EPHA3: variants seen among roughly 807,000 people sequenced by gnomAD.
EPHA3 encodes the protein EPH receptor A3, also known as ephrin type-A receptor 3.
Under a neutral mutation model 107.1 loss-of-function variants are expected in EPHA3, and 42 were observed. That is an observed-to-expected ratio of 0.39 (90% CI 0.31 to 0.51). EPHA3 has a LOEUF of 0.51. Ranked by LOEUF, EPHA3 falls within the 20% of genes least tolerant of loss-of-function variation. The pLI is 0.78. For missense variants in EPHA3, 1,183 were observed against 1,211.2 expected, an observed-to-expected ratio of 0.98 and a Z score of 0.35; for synonymous variants, 461 against 424.8, an observed-to-expected ratio of 1.09 and a Z score of -1.05.
At chr3:89,390,600 CAAA>C (rs34753229) in intron 5 of EPHA3, among the ~76,000 whole-genome samples, 12 of 114,160 alleles carry the variant, frequency 1.1e-4, no homozygotes, top group Admixed American at 1.9e-4. Flanking sequence ...ACTCCGTTTC[CAAA>C]AAAAAAAAAA....
At chr3:89,130,375 T>C (rs1232929323) in intron 2 of EPHA3, among the ~76,000 whole-genome samples, 2 of 152,142 alleles carry the variant, frequency 1.3e-5, no homozygotes, top group Admixed American at 6.6e-5. Flanking sequence ...AGCTCTAAAT[T>C]CCAAATCTGT....
At chr3:89,188,634 C>T (rs558073997) in intron 2 of EPHA3, among the ~76,000 whole-genome samples, 2 of 152,266 alleles carry the variant, frequency 1.3e-5, no homozygotes, top group East Asian at 1.9e-4. Context: ...CTCCTAAATT[C>T]CAGACTCATA....
intron 3 of EPHA3, among the ~76,000 whole-genome samples, chr3:89,277,695 T>G (rs1175006608): frequency 6.6e-6 from 1 of 152,156 alleles, no homozygotes; most frequent in African/African-American, 2.4e-5. Flanking sequence ...TATTTTTTTG[T>G]CATAATATGA....
chr3:89,316,480 T>TGTGA (rs1706902299), intron 3 of EPHA3, among the ~76,000 whole-genome samples: 1 of 116,974 alleles, frequency 8.5e-6, no homozygotes, highest in African/African-American at 3.3e-5. Flanking sequence ...TATATATATG[T>TGTGA]GTGTGTGTGT....
At chr3:89,146,247 A>C (rs1443552561) in intron 2 of EPHA3, among the ~76,000 whole-genome samples, 2 of 151,884 alleles carry the variant, frequency 1.3e-5, no homozygotes, top group African/African-American at 2.4e-5. Context: ...TAGCTGTCCC[A>C]GCTATCAGAC....
At chr3:89,306,084 T>C (rs1443034562) in intron 3 of EPHA3, among the ~76,000 whole-genome samples, 1 of 152,148 alleles carries the variant, frequency 6.6e-6, no homozygotes, top group Non-Finnish European at 1.5e-5. Flanking sequence ...TTGCCAGTGC[T>C]TTCTGATTGC....
In EPHA3 at chr3:89,399,311, C is replaced by T. The variant is rs1276953163; in HGVS notation, c.1432-7C>T. ...TTTAACATGAATTTTTTTTTCTGAC[C>T]TCAAAGCAGGAACAAGAAACAAGTT... On this transcript the variant is annotated splice_region_variant and splice_polypyrimidine_tract_variant and intron_variant, in intron 6 of 16. Coordinates refer to ENST00000336596, the MANE Select transcript of EPHA3 (RefSeq NM_005233.6). 9 of 1,580,648 alleles carry T rather than the reference C, an allele frequency of 5.7e-6. No individual in the cohort carries two copies. Among genetic ancestry groups the T allele is most frequent in the Admixed American group, 1.7e-5 (1 of 57,374 alleles).
chr3:89,375,769 C>T (rs1269546873), intron 5 of EPHA3, among the ~76,000 whole-genome samples: 1 of 151,854 alleles, frequency 6.6e-6, no homozygotes, highest in Non-Finnish European at 1.5e-5. Context: ...GGATATTGTA[C>T]AGACACAAAC....
chr3:89,216,510 C>CTCGTGAA (rs2107195550), intron 3 of EPHA3, among the ~76,000 whole-genome samples: 1 of 152,094 alleles, frequency 6.6e-6, no homozygotes, highest in South Asian at 2.1e-4. Flanking sequence ...TGTCAGCTAG[C>CTCGTGAA]TCGTGAATCT....
chr3:89,434,203 A>ATTAT (rs550736069), intron 13 of EPHA3, among the ~76,000 whole-genome samples: 72 of 152,078 alleles, frequency 4.7e-4, no homozygotes, highest in South Asian at 1.9e-3. Flanking sequence ...GCCATATTAA[A>ATTAT]TTATTTATTT....
chr3:89,194,842 C>T (rs866126174), intron 2 of EPHA3, among the ~76,000 whole-genome samples: 13 of 152,114 alleles, frequency 8.5e-5, no homozygotes, highest in African/African-American at 2.9e-4. Flanking sequence ...TCTGCAAATG[C>T]TCCTTTTCCA....
chr3:89,324,871 G>C (rs1178041341), intron 3 of EPHA3, among the ~76,000 whole-genome samples: 4 of 151,882 alleles, frequency 2.6e-5, no homozygotes. Context: ...CCTTGCCATT[G>C]GTCCCCAATG....
intron 3 of EPHA3, among the ~76,000 whole-genome samples, chr3:89,268,476 C>G (rs1705588165): frequency 6.6e-6 from 1 of 151,972 alleles, no homozygotes; most frequent in South Asian, 2.1e-4. Context: ...TCTAAAAACT[C>G]CAAATTTTAT....
intron 15 of EPHA3, among the ~76,000 whole-genome samples, chr3:89,459,532 T>A (rs1463882986): frequency 2.0e-5 from 3 of 151,564 alleles, no homozygotes; most frequent in Non-Finnish European, 4.4e-5. Context: ...CTTCGTTCCT[T>A]CCTTTCTTCC....
intron 3 of EPHA3, among the ~76,000 whole-genome samples, chr3:89,278,680 C>T (rs1480598824): frequency 6.6e-6 from 1 of 152,060 alleles, no homozygotes; most frequent in African/African-American, 2.4e-5. Flanking sequence ...AAATAGAGGT[C>T]GCTCTGCTAT....
chr3:89,352,238 C>T (rs937638624), intron 5 of EPHA3, among the ~76,000 whole-genome samples: 3 of 151,316 alleles, frequency 2.0e-5, no homozygotes, highest in African/African-American at 7.3e-5. Flanking sequence ...TTCTTTTCCC[C>T]TTAGATAAAC....
At position 89,481,726 on chromosome 3, in the gene EPHA3, T is replaced by C. The variant is rs1479906522; in HGVS notation, c.*2224T>C. The C allele has an allele frequency of 4.3e-6, 1 of 231,818 alleles. No homozygotes were observed. The highest frequency in any genetic ancestry group is 8.5e-6 in the Non-Finnish European group (1 of 117,004). 14.4% of individuals were successfully genotyped at this position (231,818 alleles called of 1,614,324 possible). On this transcript the variant is annotated 3_prime_UTR_variant, in exon 17 of 17. Coordinates refer to ENST00000336596, the MANE Select transcript of EPHA3 (RefSeq NM_005233.6). ...AATTTACTTTACACAATTCTTACCC[T>C]GTACATATGTAAACATAAGTGTACG...
At chr3:89,450,102 C>G (rs546575309) in intron 14 of EPHA3, 75 bp from the exon 15 acceptor site, 2 of 1,249,510 alleles carry the variant, frequency 1.6e-6, no homozygotes, top group East Asian at 2.5e-5. Context: ...TTTGTGAGCC[C>G]CGCCCATGAA....
At chr3:89,264,180 CT>C (rs1454299838) in intron 3 of EPHA3, among the ~76,000 whole-genome samples, 1 of 152,144 alleles carries the variant, frequency 6.6e-6, no homozygotes, top group Non-Finnish European at 1.5e-5. Flanking sequence ...GGCAAAATGT[CT>C]TTTCATCTGT....
Sources: gnomAD v4.1 joint callset for allele counts (sites outside exome capture counted in the v4.1 genomes callset) on GRCh38, gnomAD v4.1.1 for gene constraint, MANE v1.5 for transcripts, NCBI Gene and HGNC (gene_info 2026-07-23, HGNC 2026-07-21) for gene names.